IGSF10: variants seen among roughly 807,000 people sequenced by gnomAD.
IGSF10 encodes the protein immunoglobulin superfamily member 10.
Under a neutral mutation model 128.2 loss-of-function variants are expected in IGSF10, and 126 were observed. The observed-to-expected ratio is 0.98, with a 90% CI of 0.85 to 1.14. IGSF10 has a LOEUF of 1.14. IGSF10 is among the 50% of genes most tolerant of loss of function. The pLI, the probability that IGSF10 is intolerant of heterozygous loss-of-function variation, is 0.00. For synonymous variants in IGSF10, 1,185 were observed against 1,146.2 expected (o/e 1.03, Z -0.68); for missense variants, 3,295 against 3,149.8 (o/e 1.05, Z -1.10).
At chr3:151,552,794 G>A in the IGSF10 span, among the ~76,000 whole-genome samples, 1 of 152,298 alleles carries the variant, frequency 6.6e-6, no homozygotes, top group Non-Finnish European at 1.5e-5. Flanking sequence ...ATAAGCAAAA[G>A]CAGTTAACCT....
At chr3:151,458,429 A>G in intron 3 of IGSF10, 87 bp downstream of exon 3, 2 of 949,452 alleles carry the variant, frequency 2.1e-6, no homozygotes, top group South Asian at 2.4e-5. Flanking sequence ...ATTGAGATTC[A>G]TCTCCCAAAG....
the IGSF10 span, among the ~76,000 whole-genome samples, chr3:151,534,769 G>C: frequency 1.3e-5 from 2 of 150,486 alleles, no homozygotes; most frequent in Non-Finnish European, 3.0e-5. Flanking sequence ...AAACCTGCAC[G>C]TTCTGCCCAT....
the IGSF10 span, among the ~76,000 whole-genome samples, chr3:151,512,726 T>C: frequency 6.6e-6 from 1 of 151,292 alleles, no homozygotes; most frequent in East Asian, 1.9e-4. Context: ...GCAAGACTAA[T>C]AAAGAAAAAA....
Position 151,461,019 on chromosome 3 carries a change from G to T in IGSF10, c.-162C>A. On this transcript the variant is annotated 5_prime_UTR_variant, in exon 1 of 8. Coordinates refer to ENST00000282466, the MANE Select transcript of IGSF10 (RefSeq NM_178822.5). ...GGGCTCGGTCCCGGGCTCAGCTGCT[G>T]GGGTCGTGCGGAGCTGGTCCGGAGC... 1.0e-6 allele frequency: 1 copy of T among 985,354 alleles called. No homozygotes were observed. Among genetic ancestry groups the T allele is most frequent in the Non-Finnish European group, 1.2e-6 (1 of 829,900 alleles). 61.0% of individuals were successfully genotyped at this position (985,354 alleles called of 1,614,324 possible). A position where few individuals can be genotyped will look rare whatever the true frequency, so the allele number is the denominator to read the frequency against.
At chr3:151,513,946 C>A in the IGSF10 span, among the ~76,000 whole-genome samples, 34 of 151,990 alleles carry the variant, frequency 2.2e-4, 1 homozygote, top group Admixed American at 2.0e-3. Flanking sequence ...GGAGAACTAC[C>A]AACCACTGCT....
the IGSF10 span, among the ~76,000 whole-genome samples, chr3:151,520,946 TTA>T: frequency 4.2e-5 from 3 of 71,816 alleles, no homozygotes; most frequent in East Asian, 2.8e-4. Context: ...GCAATCTGGA[TTA>T]AAAAAAAAGC....
At chr3:151,518,270 C>G in the IGSF10 span, among the ~76,000 whole-genome samples, 1 of 151,994 alleles carries the variant, frequency 6.6e-6, no homozygotes, top group African/African-American at 2.4e-5. Context: ...TATAACCAAT[C>G]TGGTTATTTC....
At chr3:151,440,545 A>C (rs1720788352) in intron 7 of IGSF10, 1 of 456,700 alleles carries the variant, frequency 2.2e-6, no homozygotes, top group African/African-American at 2.0e-5. Context: ...CAGCTGAAAA[A>C]TTGGTATTTA....
rs1720269872 is a variant in IGSF10 at position 151,436,701 on chromosome 3, A to T, written c.7860T>A (p.Ile2620=). The change falls in exon 8 of 8, where the codon ATT becomes ATA. Residue 2620 remains isoleucine (I), a synonymous_variant. Coordinates refer to ENST00000282466, the MANE Select transcript of IGSF10 (RefSeq NM_178822.5). ...TTATTATTTCATGTCAGATTACTTG[A>T]ATATACGTTGCTGCATAATCACTAC... The part of the protein sequence containing the change: ...PLGSDYAATY[I]QVI The T allele has an allele frequency of 6.2e-7, 1 of 1,600,358 alleles. No individual in the cohort carries two copies. The highest frequency in any genetic ancestry group is 1.1e-5 in the South Asian group (1 of 88,904).
At chr3:151,506,980 A>G in the IGSF10 span, among the ~76,000 whole-genome samples, 1 of 152,240 alleles carries the variant, frequency 6.6e-6, no homozygotes, top group South Asian at 2.1e-4. Flanking sequence ...ACTGGTTTCA[A>G]AATTATCAGT....
chr3:151,560,799 G>C, the IGSF10 span, among the ~76,000 whole-genome samples: 5 of 151,998 alleles, frequency 3.3e-5, no homozygotes, highest in Admixed American at 3.3e-4. Flanking sequence ...TAGACTCTGT[G>C]GTGTGTTGTT....
At chr3:151,600,060 G>A in the IGSF10 span, among the ~76,000 whole-genome samples, 1 of 152,150 alleles carries the variant, frequency 6.6e-6, no homozygotes, top group Middle Eastern at 3.2e-3. Flanking sequence ...TCAGTTAATT[G>A]TAGTATCATG....
At chr3:151,582,624 G>A in the IGSF10 span, among the ~76,000 whole-genome samples, 3 of 152,010 alleles carry the variant, frequency 2.0e-5, no homozygotes, top group African/African-American at 7.2e-5. Flanking sequence ...TGAACATATT[G>A]TTATTTTTTC....
the IGSF10 span, among the ~76,000 whole-genome samples, chr3:151,520,070 C>T: frequency 2.6e-5 from 4 of 151,228 alleles, no homozygotes; most frequent in African/African-American, 9.7e-5. Context: ...TTCCTGTATC[C>T]TCTCAGTGAT....
the IGSF10 span, among the ~76,000 whole-genome samples, chr3:151,527,807 G>A: frequency 6.6e-6 from 1 of 150,792 alleles, no homozygotes; most frequent in Admixed American, 6.6e-5. Flanking sequence ...TTTTTAATTA[G>A]CTGGGCATGG....
At chr3:151,459,331 T>C (rs914429222) in intron 2 of IGSF10, among the ~76,000 whole-genome samples, 2 of 152,240 alleles carry the variant, frequency 1.3e-5, no homozygotes, top group African/African-American at 2.4e-5. Flanking sequence ...TCATTTCATA[T>C]ATAATGTTTT....
chr3:151,502,761 A>T, the IGSF10 span, among the ~76,000 whole-genome samples: 2 of 152,108 alleles, frequency 1.3e-5, no homozygotes, highest in Non-Finnish European at 2.9e-5. Context: ...TAAAGAGCTC[A>T]TGTAAATTAT....
At chr3:151,581,798 T>C in the IGSF10 span, among the ~76,000 whole-genome samples, 1 of 152,164 alleles carries the variant, frequency 6.6e-6, no homozygotes, top group South Asian at 2.1e-4. Flanking sequence ...TGGCTGGGCA[T>C]GGTGGCTCAA....
At chr3:151,467,992 A>G in the IGSF10 span, among the ~76,000 whole-genome samples, 2 of 152,242 alleles carry the variant, frequency 1.3e-5, no homozygotes, top group African/African-American at 4.8e-5. Context: ...CTGTCATACA[A>G]TCTTGTAAAC....
Sources: gnomAD v4.1 joint callset for allele counts (sites outside exome capture counted in the v4.1 genomes callset) on GRCh38, gnomAD v4.1.1 for gene constraint, MANE v1.5 for transcripts, NCBI Gene and HGNC (gene_info 2026-07-23, HGNC 2026-07-21) for gene names.